The following SMURF2 variants were observed in gnomAD, a reference collection of about 807,000 sequenced individuals.
SMURF2 encodes SMAD specific E3 ubiquitin protein ligase 2.
SMURF2 carries 48 observed loss-of-function variants against 109.6 expected under a neutral mutation model. The observed-to-expected ratio is 0.44, with a 90% CI of 0.35 to 0.56. SMURF2 has a LOEUF of 0.56. SMURF2 is among the 20% of genes least tolerant of loss of function. SMURF2 has a pLI of 0.01. For missense variants in SMURF2, 575 were observed against 909.0 expected (o/e 0.63, Z 4.72); for synonymous variants, 288 against 317.1 (o/e 0.91, Z 0.97).
chr17:64,654,456 T>A (rs1970679702), intron 1 of SMURF2, among the ~76,000 whole-genome samples: 1 of 152,234 alleles, frequency 6.6e-6, no homozygotes, highest in Admixed American at 6.5e-5. Context: ...TACTTATATG[T>A]TGGAGAGAAA....
At chr17:64,546,077 G>T in intron 18 of SMURF2, 130 bp from the exon 19 acceptor site, 2 of 854,160 alleles carry the variant, frequency 2.3e-6, no homozygotes, top group South Asian at 1.7e-5. Context: ...CTAAAACAGA[G>T]ATGACCACTT....
rs1968973764 is a variant in SMURF2 at position 64,547,409 on chromosome 17, C to G, written c.2071+191G>C. ...GCGGCACTCACTACAATCAGAGAAGCCCGCAGAAAAGGCTCTTGGGAAGGG... is the reference window on the plus strand; with the variant it reads ...GCGGCACTCACTACAATCAGAGAAGGCCGCAGAAAAGGCTCTTGGGAAGGG... On this transcript the variant is annotated intron_variant, in intron 17 of 18. Transcript: ENST00000262435. This position sits in a 1 kb window ranked among gnomAD's most constrained non-coding sequence, Gnocchi z 4.2. 6.6e-6 allele frequency among the ~76,000 whole-genome samples: 1 copy of G among 152,084 alleles called. No homozygotes were observed. Among genetic ancestry groups the G allele is most frequent in the African/African-American group, 2.4e-5 (1 of 41,396 alleles).
intron 12 of SMURF2, chr17:64,560,988 A>AT: frequency 6.5e-6 from 1 of 153,930 alleles, no homozygotes; most frequent in Admixed American, 6.6e-5. Context: ...AAAAAAAAAA[A>AT]AGAAAGAAAA....
Position 64,547,632 on chromosome 17 carries a change from C to T in SMURF2, c.2039G>A (p.Arg680Gln), listed in dbSNP as rs1555683254. Residue 680 changes from arginine (R) to glutamine (Q), a missense_variant, in exon 17 of 19, where the codon CGA (arginine) becomes CAA (glutamine). Transcript: ENST00000262435. This position sits in a 1 kb window ranked among gnomAD's most constrained non-coding sequence, Gnocchi z 4.2. Reference sequence around the variant, plus strand: ...TGCTTTGAAGCCCTGCAGAGGCACTCGAGAGGATCCTGTCACAAACTGAAG... The same window carrying T: ...TGCTTTGAAGCCCTGCAGAGGCACTTGAGAGGATCCTGTCACAAACTGAAG... The part of the protein sequence containing the change: ...RLLQFVTGSS[R>Q]VPLQGFKALQ... The T allele has an allele frequency of 1.2e-6, 2 of 1,614,018 alleles. No homozygotes were observed. Among genetic ancestry groups the T allele is most frequent in the South Asian group, 1.1e-5 (1 of 91,066 alleles).
chr17:64,610,301 T>C (rs1474109741), intron 1 of SMURF2, among the ~76,000 whole-genome samples: 4 of 152,260 alleles, frequency 2.6e-5, no homozygotes, highest in Admixed American at 6.5e-5. Flanking sequence ...TAAAGACATA[T>C]GCACATGTAT....
chr17:64,658,124 G>A (rs1405793540), intron 1 of SMURF2, among the ~76,000 whole-genome samples: 2 of 152,174 alleles, frequency 1.3e-5, no homozygotes, highest in East Asian at 1.9e-4. Context: ...GAAGGCTAAG[G>A]CGGGCGGATC....
chr17:64,554,249 T>G (rs899345104), intron 15 of SMURF2, among the ~76,000 whole-genome samples: 1 of 152,200 alleles, frequency 6.6e-6, no homozygotes, highest in Non-Finnish European at 1.5e-5. Context: ...TCCTCCATGA[T>G]GAAACTGGGC....
At chr17:64,638,014 C>G (rs1358772379) in intron 1 of SMURF2, among the ~76,000 whole-genome samples, 7 of 146,932 alleles carry the variant, frequency 4.8e-5, no homozygotes. Context: ...TATCTCAATC[C>G]TTACACCAGT....
chr17:64,586,071 G>C lies in SMURF2; in HGVS notation c.485+15C>G. ...TCTATATATTTCTCTAATGATTTCA[G>C]TGATGTTAGCTTACCCGTCTGGTAA... On this transcript the variant is annotated intron_variant, in intron 6 of 18. Transcript: ENST00000262435. 1 of 1,544,910 alleles carries C rather than the reference G, an allele frequency of 6.5e-7. No individual in the cohort carries two copies. The highest frequency in any genetic ancestry group is 8.9e-7 in the Non-Finnish European group (1 of 1,127,934).
At chr17:64,583,365 C>T (rs1189825743) in intron 7 of SMURF2, 96 bp downstream of exon 7, 2 of 1,031,180 alleles carry the variant, frequency 1.9e-6, no homozygotes, top group Non-Finnish European at 3.0e-6. Flanking sequence ...CAGCAAAAAC[C>T]AAGAAAAAAA....
chr17:64,629,815 C>G (rs1316601161), intron 1 of SMURF2, among the ~76,000 whole-genome samples: 2 of 152,144 alleles, frequency 1.3e-5, no homozygotes, highest in African/African-American at 2.4e-5. Context: ...AACCATATGT[C>G]TCTTCAAATT....
At position 64,565,674 on chromosome 17, in the gene SMURF2, T is replaced by C. The variant is rs912021124; in HGVS notation, c.1017-2708A>G. Among the ~76,000 whole-genome samples, 4 of 152,154 alleles carry C rather than the reference T, an allele frequency of 2.6e-5. No individual in the cohort carries two copies. In the South Asian group the frequency reaches 6.2e-4, roughly 24 times the overall value. ...CAAATCCCAGCTCTAGCACCTTTTATGCACCTCTGGACAAGTTCTGTAACT... is the reference window on the plus strand; with the variant it reads ...CAAATCCCAGCTCTAGCACCTTTTACGCACCTCTGGACAAGTTCTGTAACT... On this transcript the variant is annotated intron_variant, in intron 10 of 18. Coordinates refer to ENST00000262435, the MANE Select transcript of SMURF2 (RefSeq NM_022739.4).
chr17:64,553,044 T>C (rs1203818409), intron 15 of SMURF2, among the ~76,000 whole-genome samples: 5 of 152,064 alleles, frequency 3.3e-5, no homozygotes. Flanking sequence ...AATACATACT[T>C]TTTACGTATA....
intron 10 of SMURF2, among the ~76,000 whole-genome samples, chr17:64,570,039 C>A (rs1160556818): frequency 2.6e-5 from 4 of 152,184 alleles, no homozygotes; most frequent in African/African-American, 9.7e-5. Flanking sequence ...AAAGTAAGAT[C>A]TGCTGACATA....
At chr17:64,613,488 T>C (rs994340032) in intron 1 of SMURF2, among the ~76,000 whole-genome samples, 6 of 152,062 alleles carry the variant, frequency 3.9e-5, no homozygotes, top group Non-Finnish European at 1.5e-5. Context: ...TCTAAATGTT[T>C]CTTAAAGAAA....
chr17:64,616,530 T>C (rs1282590980), intron 1 of SMURF2, among the ~76,000 whole-genome samples: 3 of 151,710 alleles, frequency 2.0e-5, no homozygotes, highest in African/African-American at 4.8e-5. Flanking sequence ...GGTGCCTGTA[T>C]ACAGTCTCTG....
chr17:64,578,379 G>A (rs539013404), intron 9 of SMURF2, 113 bp downstream of exon 9: 4 of 701,994 alleles, frequency 5.7e-6, no homozygotes, highest in Non-Finnish European at 9.7e-6. Flanking sequence ...TATCAGAAGA[G>A]TCAAACTTTT....
chr17:64,552,849 G>A (rs8072236), intron 15 of SMURF2, among the ~76,000 whole-genome samples: 2,524 of 152,114 alleles, frequency 0.017, 68 homozygotes, highest in African/African-American at 0.057. Context: ...GATTACAGGT[G>A]CCTGCCAACA....
At chr17:64,590,758 T>C (rs1555687641) in intron 5 of SMURF2, among the ~76,000 whole-genome samples, 2 of 152,138 alleles carry the variant, frequency 1.3e-5, no homozygotes, top group African/African-American at 4.8e-5. Context: ...CTCTTCTTAC[T>C]AAAAAAACTA....
Sources: allele counts gnomAD v4.1 joint callset (sites outside exome capture counted in the v4.1 genomes callset), GRCh38; gene constraint gnomAD v4.1.1; non-coding constraint Gnocchi (gnomAD v3.1); transcripts MANE v1.5; gene names NCBI Gene and HGNC (gene_info 2026-07-23, HGNC 2026-07-21).